The following NRG1 variants were observed in gnomAD, a reference collection of about 807,000 sequenced individuals.
NRG1 encodes neuregulin 1.
Under a neutral mutation model 63.8 loss-of-function variants are expected in NRG1, and 18 were observed. That is an observed-to-expected ratio of 0.28 (90% CI 0.19 to 0.42). NRG1 has a LOEUF of 0.42. Ranked by LOEUF, NRG1 falls within the 10% of genes least tolerant of loss-of-function variation. NRG1 has a pLI of 1.00. For synonymous variants in NRG1, 302 were observed against 301.3 expected (o/e 1.00, Z -0.02); for missense variants, 762 against 814.7 (o/e 0.94, Z 0.79).
chr8:31,726,234 G>A (rs1813425921), intron 1 of NRG1, among the ~76,000 whole-genome samples: 1 of 152,020 alleles, frequency 6.6e-6, no homozygotes, highest in Non-Finnish European at 1.5e-5. Context: ...CTGTATATAA[G>A]TATAACAAAT....
At chr8:31,760,384 G>A in intron 1 of NRG1, among the ~76,000 whole-genome samples, 1 of 152,106 alleles carries the variant, frequency 6.6e-6, no homozygotes, top group Non-Finnish European at 1.5e-5. Flanking sequence ...TCAGGACATA[G>A]GCATGGGCAA....
At chr8:32,410,751 C>A (rs1311283001) in intron 1 of NRG1, among the ~76,000 whole-genome samples, 2 of 152,092 alleles carry the variant, frequency 1.3e-5, no homozygotes, top group Non-Finnish European at 2.9e-5. Flanking sequence ...GAGTCTGCTT[C>A]TTAGTGGGAC....
chr8:32,569,544 T>C (rs1838116839), intron 1 of NRG1, among the ~76,000 whole-genome samples: 3 of 152,220 alleles, frequency 2.0e-5, no homozygotes, highest in African/African-American at 7.2e-5. Flanking sequence ...AGTAGACTTA[T>C]ACTTGGTATC....
rs532334492 is a variant in NRG1, at chr8:32,286,286, A to T, written c.38-309542A>T. ...CTGTGGGTCAGCTGGGCGGTGCTGCAGATCTGAACCAGGTGTGGCTGATCT... is the reference window on the plus strand; with the variant it reads ...CTGTGGGTCAGCTGGGCGGTGCTGCTGATCTGAACCAGGTGTGGCTGATCT... On this transcript the variant is annotated intron_variant, in intron 1 of 10. Coordinates refer to the NRG1 transcript ENST00000519301. 2.2e-4 allele frequency among the ~76,000 whole-genome samples: 34 copies of T among 152,320 alleles called. 1 individual carries two copies. The highest frequency in any genetic ancestry group is 8.2e-4 in the African/African-American group (34 of 41,592).
chr8:32,749,042 G>A (rs1828135978), intron 7 of NRG1: 1 of 169,436 alleles, frequency 5.9e-6, no homozygotes, highest in African/African-American at 2.4e-5. Context: ...AAAAATCCAA[G>A]TCCAACCTGA....
At chr8:32,648,416 A>G (rs1160058291) in intron 5 of NRG1, 2 of 1,601,802 alleles carry the variant, frequency 1.2e-6, no homozygotes, top group Middle Eastern at 1.7e-4. Flanking sequence ...GACGATGATG[A>G]TGATGAATAA....
At chr8:32,164,068 TTC>T (rs1839144923) in intron 1 of NRG1, among the ~76,000 whole-genome samples, 1 of 152,194 alleles carries the variant, frequency 6.6e-6, no homozygotes. Flanking sequence ...CTCATTTTTG[TTC>T]TCTCTCTTTT....
chr8:32,337,914 T>A (rs1803533507), intron 1 of NRG1, among the ~76,000 whole-genome samples: 1 of 152,112 alleles, frequency 6.6e-6, no homozygotes, highest in Non-Finnish European at 1.5e-5. Context: ...ACAGAACTAG[T>A]TATTGTTGAG....
chr8:32,715,579 A>G (rs1253056423), intron 5 of NRG1, among the ~76,000 whole-genome samples: 1 of 152,128 alleles, frequency 6.6e-6, no homozygotes, highest in African/African-American at 2.4e-5. Flanking sequence ...AAAGTTTTCC[A>G]TATTTCAAAA....
chr8:32,314,826 G>A lies in NRG1; in HGVS notation c.38-281002G>A, dbSNP rs979347656. On this transcript the variant is annotated intron_variant, in intron 1 of 10. Transcript: ENST00000519301. Reference sequence around the variant, plus strand: ...TTCCACCCCAGCCTCTTCCATAATCGCTCCCCATCTCTATGCCCCAGCGAT... The same window carrying A: ...TTCCACCCCAGCCTCTTCCATAATCACTCCCCATCTCTATGCCCCAGCGAT... Among the ~76,000 whole-genome samples the A allele has an allele frequency of 6.6e-5, 10 of 152,074 alleles. No individual in the cohort carries two copies. The East Asian group carries it at 1.6e-3, about 24-fold the overall frequency.
At chr8:31,823,969 T>G (rs1229602850) in intron 1 of NRG1, among the ~76,000 whole-genome samples, 2 of 152,192 alleles carry the variant, frequency 1.3e-5, no homozygotes, top group African/African-American at 4.8e-5. Context: ...TTCTGTTTTA[T>G]GTCTGTGATT....
chr8:32,183,563 C>T (rs1302293052), intron 1 of NRG1, among the ~76,000 whole-genome samples: 1 of 152,144 alleles, frequency 6.6e-6, no homozygotes, highest in Non-Finnish European at 1.5e-5. Flanking sequence ...TGGGGCCTCC[C>T]ACCAATATTA....
chr8:31,973,324 T>A (rs533757636), intron 1 of NRG1, among the ~76,000 whole-genome samples: 299 of 152,328 alleles, frequency 2.0e-3, no homozygotes, highest in Non-Finnish European at 3.5e-3. Context: ...CTTGTAGATA[T>A]CACTCTAGAT....
At chr8:31,672,112 T>A (rs1365138496) in intron 1 of NRG1, among the ~76,000 whole-genome samples, 1 of 152,140 alleles carries the variant, frequency 6.6e-6, no homozygotes, top group Non-Finnish European at 1.5e-5. Context: ...ATGTTTCCTA[T>A]CTAGGTGTTT....
At chr8:32,481,369 T>C (rs1319572443) in intron 1 of NRG1, among the ~76,000 whole-genome samples, 2 of 119,278 alleles carry the variant, frequency 1.7e-5, no homozygotes, top group Non-Finnish European at 3.7e-5. Context: ...AACAAACAAA[T>C]AAAGGTTGTG....
At chr8:31,726,659 A>T (rs13439302) in intron 1 of NRG1, among the ~76,000 whole-genome samples, 9,371 of 152,114 alleles carry the variant, frequency 0.062, 951 homozygotes, top group African/African-American at 0.21. Flanking sequence ...GGGGAGTGAA[A>T]AAAGCATGTC....
At chr8:32,022,026 C>A (rs1816532480) in intron 1 of NRG1, among the ~76,000 whole-genome samples, 1 of 152,146 alleles carries the variant, frequency 6.6e-6, no homozygotes, top group African/African-American at 2.4e-5. Context: ...GGTCTGAGCA[C>A]TTTTATAAGT....
intron 1 of NRG1, among the ~76,000 whole-genome samples, chr8:32,155,301 T>C (rs1837933607): frequency 6.6e-6 from 1 of 152,188 alleles, no homozygotes; most frequent in Non-Finnish European, 1.5e-5. Flanking sequence ...GATCAAATGG[T>C]CTCTAAATTT....
At chr8:31,944,672 T>A in intron 1 of NRG1, among the ~76,000 whole-genome samples, 1 of 152,102 alleles carries the variant, frequency 6.6e-6, no homozygotes, top group Non-Finnish European at 1.5e-5. Context: ...CATGTAAACA[T>A]ACACCTGATA....
Sources: allele counts gnomAD v4.1 joint callset (sites outside exome capture counted in the v4.1 genomes callset), GRCh38; gene constraint gnomAD v4.1.1; transcripts MANE v1.5; gene names NCBI Gene and HGNC (gene_info 2026-07-23, HGNC 2026-07-21).